KCNMA1: variants seen among roughly 807,000 people sequenced by gnomAD.
KCNMA1 encodes Calcium-activated potassium channel subunit alpha-1.
In KCNMA1, 29 loss-of-function variants were observed where a neutral mutation model predicts 140.0. That is an observed-to-expected ratio of 0.21 (90% CI 0.15 to 0.28). The LOEUF is 0.28. KCNMA1 is among the 10% of genes least tolerant of loss of function. The pLI is 1.00. For synonymous variants in KCNMA1, 612 were observed against 611.9 expected, an observed-to-expected ratio of 1.00 and a Z score of 0.00; for missense variants, 880 against 1,602.2, an observed-to-expected ratio of 0.55 and a Z score of 7.70.
chr10:76,903,662 T>C (rs1202646583), intron 25 of KCNMA1: 1 of 152,192 alleles, frequency 6.6e-6, no homozygotes, highest in Non-Finnish European at 1.5e-5. Context: ...AATAGGGTTA[T>C]GGAGCAATAA....
At chr10:76,892,521 G>A (rs1029179321) in intron 25 of KCNMA1, among the ~76,000 whole-genome samples, 2 of 152,198 alleles carry the variant, frequency 1.3e-5, no homozygotes, top group African/African-American at 4.8e-5. Flanking sequence ...AGGTAAGGGT[G>A]TGCATTCCAT....
At chr10:77,117,035 C>A (rs1306508377) in intron 6 of KCNMA1, among the ~76,000 whole-genome samples, 1 of 152,132 alleles carries the variant, frequency 6.6e-6, no homozygotes, top group Non-Finnish European at 1.5e-5. Flanking sequence ...TTTCTAAGTT[C>A]ATGTCAGTAG....
At position 77,039,548 on chromosome 10, in the gene KCNMA1, C is replaced by T; in HGVS notation, c.1839G>A (p.Leu613=). The T allele has an allele frequency of 6.2e-7, 1 of 1,606,516 alleles. No individual in the cohort carries two copies. The highest frequency in any genetic ancestry group is 8.5e-7 in the Non-Finnish European group (1 of 1,173,024). Residue 613 remains leucine (L), a synonymous_variant, in exon 15 of 28, where the codon CTG becomes CTA. Transcript: ENST00000286628. ...CTTACTCACAAACAGTAGGGAAGGA[C>T]AGACCCACGAAGGCACTGGAGAGAT... ...TEYLSSAFVG[L]SFPTVCELCF... is the part of the protein sequence containing the mutation.
chr10:77,364,924 G>T (rs571922444), intron 2 of KCNMA1, among the ~76,000 whole-genome samples: 1 of 152,222 alleles, frequency 6.6e-6, no homozygotes, highest in Non-Finnish European at 1.5e-5. Flanking sequence ...ATAGGAACCG[G>T]GCTAGAATCT....
At chr10:77,477,844 A>G (rs2098310370) in intron 1 of KCNMA1, among the ~76,000 whole-genome samples, 1 of 152,192 alleles carries the variant, frequency 6.6e-6, no homozygotes, top group Non-Finnish European at 1.5e-5. Flanking sequence ...AGAAACTGCT[A>G]TTTTTAGGAA....
intron 10 of KCNMA1, among the ~76,000 whole-genome samples, chr10:77,089,990 T>A (rs140382966): frequency 1.3e-5 from 2 of 152,170 alleles, no homozygotes; most frequent in African/African-American, 4.8e-5. Flanking sequence ...TAAGTTGGTG[T>A]CTTGCTTGGT....
At chr10:77,472,199 C>A (rs1332954414) in intron 1 of KCNMA1, among the ~76,000 whole-genome samples, 2 of 149,666 alleles carry the variant, frequency 1.3e-5, no homozygotes, top group African/African-American at 4.9e-5. Context: ...ACAAATACAC[C>A]ACACACACAC....
intron 1 of KCNMA1, among the ~76,000 whole-genome samples, chr10:77,461,195 T>C (rs2097860094): frequency 6.6e-6 from 1 of 150,950 alleles, no homozygotes; most frequent in Non-Finnish European, 1.5e-5. Context: ...CTACACAATA[T>C]ATCCATGTAA....
intron 1 of KCNMA1, among the ~76,000 whole-genome samples, chr10:77,451,590 G>C (rs1181953645): frequency 6.6e-6 from 1 of 152,184 alleles, no homozygotes; most frequent in African/African-American, 2.4e-5. Flanking sequence ...TGCAAGGACA[G>C]CTTCCAAAGG....
At chr10:77,036,875 C>T (rs537009493) in intron 15 of KCNMA1, among the ~76,000 whole-genome samples, 1 of 152,216 alleles carries the variant, frequency 6.6e-6, no homozygotes, top group Admixed American at 6.5e-5. Flanking sequence ...TAATCAAATG[C>T]TTGAGGAGAG....
intron 2 of KCNMA1, among the ~76,000 whole-genome samples, chr10:77,284,219 G>A (rs1281809848): frequency 1.3e-5 from 2 of 152,096 alleles, no homozygotes; most frequent in East Asian, 3.9e-4. Context: ...CAGAAGAAGA[G>A]AGGTTTCCTA....
chr10:77,613,114 C>G (rs1253471482), intron 1 of KCNMA1, among the ~76,000 whole-genome samples: 1 of 152,194 alleles, frequency 6.6e-6, no homozygotes, highest in Non-Finnish European at 1.5e-5. Flanking sequence ...ATTTCTTAAC[C>G]TCTATGAGTC....
chr10:76,952,949 A>G (rs73282588), intron 21 of KCNMA1, among the ~76,000 whole-genome samples: 1,942 of 152,294 alleles, frequency 0.013, 46 homozygotes, highest in African/African-American at 0.045. Context: ...TCCATTTCTC[A>G]TGGATTAGCA....
intron 9 of KCNMA1, among the ~76,000 whole-genome samples, chr10:77,103,760 G>A (rs932134733): frequency 1.3e-5 from 2 of 152,176 alleles, no homozygotes; most frequent in African/African-American, 4.8e-5. Context: ...ATAAAGGAAG[G>A]AATGGTTTTG....
At chr10:77,164,186 A>G (rs1384599587) in intron 5 of KCNMA1, among the ~76,000 whole-genome samples, 1 of 152,152 alleles carries the variant, frequency 6.6e-6, no homozygotes, top group Non-Finnish European at 1.5e-5. Context: ...CATCTTCCTG[A>G]GTGACACATG....
At chr10:77,634,019 C>T (rs771367479) in intron 1 of KCNMA1, 234 of 361,850 alleles carry the variant, frequency 6.5e-4, no homozygotes, top group Non-Finnish European at 8.5e-4. Flanking sequence ...TCTCCTATAT[C>T]GAATCACAGA....
chr10:77,633,195 G>C (rs184816331), intron 1 of KCNMA1, among the ~76,000 whole-genome samples: 1 of 152,128 alleles, frequency 6.6e-6, no homozygotes. Flanking sequence ...TGCGCCTGTA[G>C]TCCCAGCTAC....
intron 2 of KCNMA1, among the ~76,000 whole-genome samples, chr10:77,398,558 T>C (rs2096150078): frequency 6.6e-6 from 1 of 152,270 alleles, no homozygotes; most frequent in African/African-American, 2.4e-5. Context: ...GTGATTTTTG[T>C]TGTTGAGTTT....
At chr10:77,243,606 G>A (rs2057837486) in intron 3 of KCNMA1, among the ~76,000 whole-genome samples, 7 of 152,228 alleles carry the variant, frequency 4.6e-5, no homozygotes, top group Admixed American at 3.9e-4. Flanking sequence ...AATTTTGGAA[G>A]GCAAAGTAGA....
Sources: allele counts gnomAD v4.1 joint callset (sites outside exome capture counted in the v4.1 genomes callset), GRCh38; gene constraint gnomAD v4.1.1; transcripts MANE v1.5; gene names NCBI Gene and HGNC (gene_info 2026-07-23, HGNC 2026-07-21).